The following ADGRV1 variants were observed in gnomAD, a reference collection of about 807,000 sequenced individuals.
ADGRV1 encodes the protein G-protein coupled receptor 98.
Under a neutral mutation model 596.2 loss-of-function variants are expected in ADGRV1, and 359 were observed. That is an observed-to-expected ratio of 0.60 (90% CI 0.55 to 0.66). The LOEUF (loss-of-function observed/expected upper bound fraction) is 0.66, where lower values mean the gene tolerates loss of function less well. ADGRV1 is among the 30% of genes least tolerant of loss of function. The pLI is 0.00. For missense variants in ADGRV1, 7,274 were observed against 7,575.6 expected (o/e 0.96, Z 1.48); for synonymous variants, 2,681 against 2,679.2 (o/e 1.00, Z -0.02).
At chr5:91,040,288 G>C (rs921918461) in intron 85 of ADGRV1, among the ~76,000 whole-genome samples, 6 of 152,130 alleles carry the variant, frequency 3.9e-5, no homozygotes, top group Non-Finnish European at 7.4e-5. Context: ...ATAACTGTTA[G>C]AATGAATTTC....
intron 77 of ADGRV1, among the ~76,000 whole-genome samples, chr5:90,829,633 C>CACTTT (rs1764361570): frequency 6.6e-6 from 1 of 152,122 alleles, no homozygotes; most frequent in South Asian, 2.1e-4. Context: ...GCCTCACTGC[C>CACTTT]ACTTTTTTCA....
At chr5:91,015,128 CA>C (rs1325145417) in intron 85 of ADGRV1, among the ~76,000 whole-genome samples, 1 of 151,960 alleles carries the variant, frequency 6.6e-6, no homozygotes, top group African/African-American at 2.4e-5. Context: ...CTGTTAATTT[CA>C]TTTTTTTACC....
intron 22 of ADGRV1, among the ~76,000 whole-genome samples, chr5:90,673,425 G>C (rs541441228): frequency 3.3e-5 from 5 of 152,292 alleles, no homozygotes; most frequent in Admixed American, 2.0e-4. Context: ...TAATACTGAT[G>C]CATGTATAGG....
At chr5:90,883,243 T>C (rs1449010718) in intron 83 of ADGRV1, among the ~76,000 whole-genome samples, 2 of 152,148 alleles carry the variant, frequency 1.3e-5, no homozygotes, top group Non-Finnish European at 2.9e-5. Flanking sequence ...TGTTCATCTG[T>C]GGGAACCAGA....
At chr5:90,689,364 C>T (rs1013464786) in intron 29 of ADGRV1, among the ~76,000 whole-genome samples, 1 of 137,494 alleles carries the variant, frequency 7.3e-6, no homozygotes, top group Non-Finnish European at 1.5e-5. Flanking sequence ...TTCTCTCCTG[C>T]CATCCTGAGC....
chr5:90,831,520 TG>T (rs768810929), intron 77 of ADGRV1, among the ~76,000 whole-genome samples: 9 of 152,166 alleles, frequency 5.9e-5, no homozygotes, highest in Non-Finnish European at 1.3e-4. Flanking sequence ...TCAGGATAAA[TG>T]GGGTATCCAC....
At position 90,581,314 on chromosome 5, in the gene ADGRV1, A is replaced by G. The variant is rs144424291; in HGVS notation, c.22+22397A>G. ...GTTCCGTTGCTGGTGAGGAGCTGTG[A>G]TCCTTTGGAGGAGAAGAGGTGCTCT... On this transcript the variant is annotated intron_variant, in intron 1 of 89. Coordinates refer to ENST00000405460, the MANE Select transcript of ADGRV1 (RefSeq NM_032119.4). Among the ~76,000 whole-genome samples the G allele has an allele frequency of 9.4e-3, 1,436 of 152,262 alleles. 12 individuals carry two copies. Among genetic ancestry groups the G allele is most frequent in the African/African-American group, 0.032 (1,330 of 41,544 alleles).
intron 23 of ADGRV1, among the ~76,000 whole-genome samples, chr5:90,674,891 A>G (rs377457457): frequency 6.6e-6 from 1 of 152,106 alleles, no homozygotes; most frequent in Non-Finnish European, 1.5e-5. Flanking sequence ...CTGTTCTACT[A>G]TATGTTCTAG....
chr5:91,028,550 C>G (rs1480003293), intron 85 of ADGRV1, among the ~76,000 whole-genome samples: 1 of 152,038 alleles, frequency 6.6e-6, no homozygotes, highest in African/African-American at 2.4e-5. Context: ...CCCATTTACA[C>G]ATGACCAGAC....
chr5:90,914,553 A>T (rs1010190157), intron 83 of ADGRV1, among the ~76,000 whole-genome samples: 1 of 152,218 alleles, frequency 6.6e-6, no homozygotes, highest in Non-Finnish European at 1.5e-5. Context: ...TGAGTAAAAC[A>T]TACCTTTACA....
At chr5:91,058,408 G>A (rs1475437126) in intron 85 of ADGRV1, among the ~76,000 whole-genome samples, 1 of 152,036 alleles carries the variant, frequency 6.6e-6, no homozygotes, top group African/African-American at 2.4e-5. Flanking sequence ...CCAGAATGCA[G>A]GCTTTGAAAG....
intron 21 of ADGRV1, among the ~76,000 whole-genome samples, chr5:90,660,983 AGAAT>A (rs1770195175): frequency 6.6e-6 from 1 of 152,318 alleles, no homozygotes; most frequent in Admixed American, 6.5e-5. Context: ...TATAATTGAA[AGAAT>A]GAATAAAACC....
intron 1 of ADGRV1, among the ~76,000 whole-genome samples, chr5:90,579,208 T>G (rs1369697669): frequency 6.6e-6 from 1 of 152,236 alleles, no homozygotes; most frequent in Admixed American, 6.5e-5. Context: ...ACGGTGCCGA[T>G]TTTAGATCTT....
In ADGRV1 at chr5:90,643,863, A is replaced by G. The variant is rs1460008872; in HGVS notation, c.2614A>G (p.Ser872Gly). ...CGGAGAACGGGAAAGCAAGTTGGGA[A>G]GTGCCACCATTGTCAATATAACGAT... ...SHGERESKLGSATIVNITILK... is the reference protein window; with the variant it reads ...SHGERESKLGGATIVNITILK... The change falls in exon 14 of 90, where the codon AGT (serine) becomes GGT (glycine). Residue 872 changes from serine to glycine, a missense_variant. Physicochemically the swap from Ser to Gly is moderately conservative, Grantham distance 56. Coordinates refer to ENST00000405460, the MANE Select transcript of ADGRV1 (RefSeq NM_032119.4). 6.2e-7 allele frequency: 1 copy of G among 1,611,614 alleles called. No individual in the cohort carries two copies. The highest frequency in any genetic ancestry group is 8.5e-7 in the Non-Finnish European group (1 of 1,178,610).
chr5:90,985,812 G>A (rs1472067764), intron 85 of ADGRV1, among the ~76,000 whole-genome samples: 1 of 151,912 alleles, frequency 6.6e-6, no homozygotes, highest in Non-Finnish European at 1.5e-5. Flanking sequence ...GCAAAATCAG[G>A]GCACTATGAA....
In ADGRV1 at chr5:90,811,090, G is replaced by A. The variant is rs747856236; in HGVS notation, c.15830G>A (p.Arg5277His). The A allele has an allele frequency of 9.7e-5, 156 of 1,613,756 alleles. No homozygotes were observed. Among genetic ancestry groups the A allele is most frequent in the Non-Finnish European group, 1.3e-4 (149 of 1,179,780 alleles). The change falls in exon 74 of 90, where the codon CGT (arginine) becomes CAT (histidine). Residue 5277 changes from arginine to histidine, a missense_variant. Arg to His is a conservative substitution (Grantham distance 29). Transcript: ENST00000405460. The part of the protein sequence containing the change: ...AQMEPNALPF[R>H]GIYGISNLTW... ...ATGGAACCAAATGCATTGCCCTTTC[G>A]TGGTATCTATGGGATTTCCAACCTA...
intron 83 of ADGRV1, among the ~76,000 whole-genome samples, chr5:90,934,220 T>A (rs1458571976): frequency 2.6e-5 from 4 of 152,192 alleles, no homozygotes; most frequent in African/African-American, 9.6e-5. Context: ...ATGGGAAGTC[T>A]TGCCCTTGCT....
intron 83 of ADGRV1, among the ~76,000 whole-genome samples, chr5:90,893,724 T>A (rs1581438738): frequency 6.6e-6 from 1 of 152,228 alleles, no homozygotes; most frequent in African/African-American, 2.4e-5. Context: ...CTTCAGTGTG[T>A]TGTAAAAGAA....
Position 90,674,167 on chromosome 5 carries a change from T to A in ADGRV1, c.5043T>A (p.Ser1681Arg), listed in dbSNP as rs1290887242. The change falls in exon 23 of 90, where the codon AGT (serine) becomes AGA (arginine). Residue 1681 changes from serine to arginine, a missense_variant. Transcript: ENST00000405460. Reference protein sequence around the residue: ...GDGKLGSTPTSGASIDPEKET... With the variant: ...GDGKLGSTPTRGASIDPEKET... ...GGAAGCTAGGCTCAACTCCTACCAG[T>A]GGTGCAAGCATAGATCCTGAAAAGG... The A allele has an allele frequency of 6.2e-7, 1 of 1,613,540 alleles. No individual in the cohort carries two copies. Among genetic ancestry groups the A allele is most frequent in the Non-Finnish European group, 8.5e-7 (1 of 1,179,718 alleles).
Sources: allele counts gnomAD v4.1 joint callset (sites outside exome capture counted in the v4.1 genomes callset), GRCh38; gene constraint gnomAD v4.1.1; transcripts MANE v1.5; gene names NCBI Gene and HGNC (gene_info 2026-07-23, HGNC 2026-07-21).